SGCD: variants seen among roughly 807,000 people sequenced by gnomAD.
SGCD encodes the protein sarcoglycan delta, also known as delta-sarcoglycan.
A neutral mutation model predicts 36.6 loss-of-function variants in SGCD; 18 were observed. That is an observed-to-expected ratio of 0.49 (90% CI 0.34 to 0.73). SGCD has a LOEUF of 0.73. Ranked by LOEUF, SGCD falls within the 30% of genes least tolerant of loss-of-function variation. The pLI is 0.01. For synonymous variants in SGCD, 133 were observed against 130.6 expected (o/e 1.02, Z -0.12); for missense variants, 387 against 346.7 (o/e 1.12, Z -0.92).
chr5:156,472,708 C>T (rs913961678), intron 3 of SGCD, among the ~76,000 whole-genome samples: 1 of 152,150 alleles, frequency 6.6e-6, no homozygotes, highest in African/African-American at 2.4e-5. Context: ...CAGGAGTAAG[C>T]CACCATGCCC....
chr5:155,915,662 A>C (rs922674846), intron 1 of SGCD, among the ~76,000 whole-genome samples: 2 of 152,210 alleles, frequency 1.3e-5, no homozygotes, highest in Non-Finnish European at 2.9e-5. Context: ...ACTTGTTAAT[A>C]ATCCCTGAGC....
Position 155,924,672 on chromosome 5 carries a change from G to A in SGCD, c.-282+54248G>A, listed in dbSNP as rs551615765. On this transcript the variant is annotated intron_variant, in intron 1 of 9. Coordinates refer to the SGCD transcript ENST00000517913. ...GTGCTAATTGAGAATCGGAGAATAT[G>A]CCCTTCTGCTTTTGGGATCTCAGTA... Among the ~76,000 whole-genome samples the A allele has an allele frequency of 2.0e-5, 3 of 152,158 alleles. No individual in the cohort carries two copies. In the South Asian group the frequency reaches 6.2e-4, roughly 32 times the overall value.
chr5:156,677,522 C>T (rs1269167534), intron 7 of SGCD, among the ~76,000 whole-genome samples: 2 of 151,716 alleles, frequency 1.3e-5, no homozygotes, highest in African/African-American at 2.4e-5. Flanking sequence ...GGGAACATCA[C>T]ATACCAGGGC....
At position 156,412,857 on chromosome 5, in the gene SGCD, G is replaced by A. The variant is rs953829338; in HGVS notation, c.192+68180G>A. 4.1e-5 allele frequency among the ~76,000 whole-genome samples: 6 copies of A among 146,478 alleles called. No homozygotes were observed. The East Asian group carries it at 6.1e-4, about 15-fold the overall frequency. The stretch of plus-strand genomic sequence containing the variant: ...AGGCCGGACTGCGGACTGCAGTGGC[G>A]CAATCTCGGCTCACTGCAAGCTCTG... On this transcript the variant is annotated intron_variant, in intron 3 of 8. Transcript: ENST00000337851.
chr5:155,756,093 AATGCT>A, the SGCD span, among the ~76,000 whole-genome samples: 1 of 152,216 alleles, frequency 6.6e-6, no homozygotes. Flanking sequence ...GTTCCCTCTC[AATGCT>A]TACCAGCTGC....
At position 156,127,876 on chromosome 5, in the gene SGCD, A is replaced by C. The variant is rs1431455354; in HGVS notation, c.-44+3857A>C. On this transcript the variant is annotated intron_variant, in intron 3 of 9. Coordinates refer to the SGCD transcript ENST00000517913. ...ATGCAAAAAAAAAAAAAAAAAAAAA[A>C]AAAACCCACCAGAGATCTCCTGGAA... 2.0e-5 allele frequency among the ~76,000 whole-genome samples: 3 copies of C among 149,472 alleles called. No individual in the cohort carries two copies. The East Asian group carries it at 5.8e-4, about 29-fold the overall frequency.
chr5:156,741,392 T>C (rs182395271), intron 7 of SGCD, among the ~76,000 whole-genome samples: 1 of 152,226 alleles, frequency 6.6e-6, no homozygotes, highest in Admixed American at 6.5e-5. Context: ...TTTTGTAGGG[T>C]TTTTTGATTC....
intron 4 of SGCD, 122 bp downstream of exon 4, chr5:156,508,824 G>T: frequency 1.8e-6 from 1 of 558,898 alleles, no homozygotes; most frequent in South Asian, 3.2e-5. Flanking sequence ...GTATTAAGAT[G>T]AATTTGCTTT....
In SGCD at chr5:155,891,800, T is replaced by A. The variant is rs973949569; in HGVS notation, c.-282+21376T>A. Among the ~76,000 whole-genome samples, 7 of 152,150 alleles carry A rather than the reference T, an allele frequency of 4.6e-5. 1 individual carries two copies. Among genetic ancestry groups the A allele is most frequent in the Admixed American group, 3.9e-4 (6 of 15,282 alleles). ...TTACCATGGCGGTTAAGGCCCTACCTGTGTTTTTCTATTTAACAAGAGAAA... is the reference window on the plus strand; with the variant it reads ...TTACCATGGCGGTTAAGGCCCTACCAGTGTTTTTCTATTTAACAAGAGAAA... On this transcript the variant is annotated intron_variant, in intron 1 of 9. Transcript: ENST00000517913.
At chr5:156,517,963 G>A (rs374468098) in intron 4 of SGCD, among the ~76,000 whole-genome samples, 1 of 152,140 alleles carries the variant, frequency 6.6e-6, no homozygotes, top group South Asian at 2.1e-4. Flanking sequence ...TTAGCATCAT[G>A]ATGACAGGAT....
At chr5:156,123,334 A>G (rs771456737) in intron 2 of SGCD, among the ~76,000 whole-genome samples, 2 of 152,118 alleles carry the variant, frequency 1.3e-5, no homozygotes, top group Non-Finnish European at 2.9e-5. Flanking sequence ...TATGTTGGAA[A>G]TTGGGAGGTT....
At chr5:155,866,495 G>C (rs1450000118), upstream of SGCD, among the ~76,000 whole-genome samples, 1 of 152,156 alleles carries the variant, frequency 6.6e-6, no homozygotes, top group East Asian at 1.9e-4. Flanking sequence ...CCATAGACCT[G>C]TAGACCACAC....
At chr5:156,482,116 GAA>G (rs1416030292) in intron 3 of SGCD, among the ~76,000 whole-genome samples, 1 of 152,202 alleles carries the variant, frequency 6.6e-6, no homozygotes, top group East Asian at 1.9e-4. Flanking sequence ...TGCTGAGACT[GAA>G]ATATCAGCAT....
intron 4 of SGCD, among the ~76,000 whole-genome samples, chr5:156,529,197 A>C (rs6893816): frequency 0.48 from 72,625 of 151,746 alleles, 18,016 homozygotes; most frequent in African/African-American, 0.59. Context: ...AAGGCTGAGG[A>C]GGGTGGATAA....
At chr5:156,729,193 T>C (rs1755933793) in intron 7 of SGCD, among the ~76,000 whole-genome samples, 1 of 152,240 alleles carries the variant, frequency 6.6e-6, no homozygotes, top group South Asian at 2.1e-4. Context: ...ATATCATTCT[T>C]GGATTTTTCT....
intron 2 of SGCD, among the ~76,000 whole-genome samples, chr5:156,122,616 A>T (rs1762068651): frequency 6.6e-6 from 1 of 151,908 alleles, no homozygotes; most frequent in Non-Finnish European, 1.5e-5. Context: ...AGAGTGGAAG[A>T]TGAGGACGGT....
intron 1 of SGCD, among the ~76,000 whole-genome samples, chr5:156,029,536 T>A (rs1410250482): frequency 6.6e-6 from 1 of 152,206 alleles, no homozygotes; most frequent in Non-Finnish European, 1.5e-5. Flanking sequence ...CATGAGAAGA[T>A]GCTTAGTATC....
rs1771761865 is a variant in SGCD, at chr5:156,394,753, T to C, written c.192+50076T>C. Among the ~76,000 whole-genome samples the C allele has an allele frequency of 3.9e-5, 6 of 152,328 alleles. No homozygotes were observed. In the South Asian group the frequency reaches 1.2e-3, roughly 32 times the overall value. ...TTTAATTTCATTCCTCTAAAAATAT[T>C]GTGGCCCTTGGCTTTGTGCCTGCTG... On this transcript the variant is annotated intron_variant, in intron 3 of 8. Coordinates refer to ENST00000337851, the MANE Select transcript of SGCD (RefSeq NM_000337.6).
chr5:156,439,827 T>C (rs1561696308), intron 3 of SGCD, among the ~76,000 whole-genome samples: 1 of 152,142 alleles, frequency 6.6e-6, no homozygotes, highest in Non-Finnish European at 1.5e-5. Context: ...GTTTATACCA[T>C]TAATGAATAT....
Sources: allele counts gnomAD v4.1 joint callset (sites outside exome capture counted in the v4.1 genomes callset), GRCh38; gene constraint gnomAD v4.1.1; transcripts MANE v1.5; gene names NCBI Gene and HGNC (gene_info 2026-07-23, HGNC 2026-07-21).